CNKSR3: variants seen among roughly 807,000 people sequenced by gnomAD.
CNKSR3 encodes CNKSR family member 3, also known as connector enhancer of kinase suppressor of ras 3.
In CNKSR3, 36 loss-of-function variants were observed where a neutral mutation model predicts 67.7. That is an observed-to-expected ratio of 0.53 (90% CI 0.41 to 0.70). The LOEUF is 0.70. Ranked by LOEUF, CNKSR3 falls within the 30% of genes least tolerant of loss-of-function variation. The pLI is 0.00. For synonymous variants in CNKSR3, 281 were observed against 271.4 expected (o/e 1.04, Z -0.35); for missense variants, 630 against 695.2 (o/e 0.91, Z 1.05).
chr6:154,492,388 T>C (rs1459342067), intron 1 of CNKSR3, among the ~76,000 whole-genome samples: 1 of 152,164 alleles, frequency 6.6e-6, no homozygotes, highest in Non-Finnish European at 1.5e-5. Flanking sequence ...CCAGCAAATT[T>C]GTCTCCAGTA....
chr6:154,414,627 T>C (rs1417776025), intron 9 of CNKSR3: 3 of 650,662 alleles, frequency 4.6e-6, no homozygotes, highest in Admixed American at 2.1e-5. Flanking sequence ...TGAATGACGA[T>C]GTATAGTGGC....
intron 1 of CNKSR3, among the ~76,000 whole-genome samples, chr6:154,453,627 A>AC (rs958356219): frequency 3.9e-5 from 6 of 152,038 alleles, no homozygotes; most frequent in African/African-American, 1.4e-4. Flanking sequence ...AAATAGTGTC[A>AC]CCCCCCAGAG....
Position 154,399,402 on chromosome 6 carries a change from A to G in CNKSR3, c.*6952T>C, listed in dbSNP as rs1368073007. ...GCGAAGAAAGGGCCTTAAAAACATT[A>G]TCTCATTTAATCACCATAAGCCTTC... On this transcript the variant is annotated 3_prime_UTR_variant, in exon 13 of 13. Coordinates refer to ENST00000607772, the MANE Select transcript of CNKSR3 (RefSeq NM_173515.4). The G allele has an allele frequency of 2.0e-5, 3 of 152,194 alleles. No individual in the cohort carries two copies. Among genetic ancestry groups the G allele is most frequent in the African/African-American group, 7.2e-5 (3 of 41,446 alleles). 9.4% of individuals were successfully genotyped at this position (152,194 alleles called of 1,614,324 possible). A position where few individuals can be genotyped will look rare whatever the true frequency, so the allele number is the denominator to read the frequency against.
At chr6:154,472,841 G>A (rs916109314) in intron 1 of CNKSR3, among the ~76,000 whole-genome samples, 2 of 148,908 alleles carry the variant, frequency 1.3e-5, no homozygotes, top group East Asian at 3.9e-4. Context: ...ACAAAAAAAC[G>A]TACAGGGCAG....
rs770698058 is a variant in CNKSR3, at chr6:154,406,535, C to A, written c.1487G>T (p.Gly496Val). The change falls in exon 13 of 13, where the codon GGT becomes GTT. Residue 496 changes from glycine (G) to valine (V), a missense_variant. By Grantham distance (109) the Gly-to-Val change is moderately radical (BLOSUM62 -3). Around this residue, in one of 3 missense-constraint regions of CNKSR3, gnomAD observed 308 missense variants for 299.6 expected, o/e 1.03. Coordinates refer to ENST00000607772, the MANE Select transcript of CNKSR3 (RefSeq NM_173515.4). ...CCTGCTTCCTCGGATGTAGTCCGCA[C>A]CCCGGACCAGATGCCGCTCGGTCGT... The part of the protein sequence containing the change: ...RPTTERHLVR[G>V]ADYIRGSRCY... 1 of 1,614,214 alleles carries A rather than the reference C, an allele frequency of 6.2e-7. No individual in the cohort carries two copies. The highest frequency in any genetic ancestry group is 2.2e-5 in the East Asian group (1 of 44,880).
At chr6:154,449,115 A>AGGAT (rs1023467753) in intron 2 of CNKSR3, among the ~76,000 whole-genome samples, 2 of 152,234 alleles carry the variant, frequency 1.3e-5, no homozygotes, top group African/African-American at 2.4e-5. Context: ...AGGACCCAGC[A>AGGAT]GGATTTTACT....
rs1299021608 is a variant in CNKSR3, at chr6:154,403,154, G to A, written c.*3200C>T. ...ATAATAGGGGTAGGTGTTGAGTTGT[G>A]TCTGGGAGAGTTTTAACAATCACTC... On this transcript the variant is annotated 3_prime_UTR_variant, in exon 13 of 13. Transcript: ENST00000607772. 4 of 152,092 alleles carry A rather than the reference G, an allele frequency of 2.6e-5. No individual in the cohort carries two copies. The highest frequency in any genetic ancestry group is 4.8e-5 in the African/African-American group (2 of 41,414). 9.4% of individuals were successfully genotyped at this position (152,092 alleles called of 1,614,324 possible). A position where few individuals can be genotyped will look rare whatever the true frequency, so the allele number is the denominator to read the frequency against.
At chr6:154,421,563 A>G (rs1251406744) in intron 9 of CNKSR3, among the ~76,000 whole-genome samples, 2 of 152,244 alleles carry the variant, frequency 1.3e-5, no homozygotes, top group Non-Finnish European at 2.9e-5. Flanking sequence ...GAGTGTGACC[A>G]GTGAGTGTGA....
intron 11 of CNKSR3, 23 bp from the exon 12 acceptor site, chr6:154,410,455 G>A (rs1286441118): frequency 6.3e-7 from 1 of 1,576,294 alleles, no homozygotes; most frequent in Non-Finnish European, 8.7e-7. Context: ...GAGAAAGAAG[G>A]TGACAAGTTT....
At chr6:154,494,552 A>T (rs1786841387) in intron 1 of CNKSR3, among the ~76,000 whole-genome samples, 2 of 152,260 alleles carry the variant, frequency 1.3e-5, no homozygotes, top group African/African-American at 4.8e-5. Context: ...ATAATTTATA[A>T]GAAAAACAAT....
chr6:154,470,187 C>CTT (rs1562347543), intron 1 of CNKSR3, among the ~76,000 whole-genome samples: 1 of 80,864 alleles, frequency 1.2e-5, no homozygotes, highest in Non-Finnish European at 2.4e-5. Flanking sequence ...TACTTTCTTT[C>CTT]CTTTTTTTTT....
Position 154,390,667 on chromosome 6 carries a change from G to GT in CNKSR3, c.*15686dup, listed in dbSNP as rs1157940328. On this transcript the variant is annotated 3_prime_UTR_variant, in exon 13 of 13. Coordinates refer to ENST00000607772, the MANE Select transcript of CNKSR3 (RefSeq NM_173515.4). The stretch of plus-strand genomic sequence containing the variant: ...TCAGCAAGGCTGTGCATCATTTTGT[G>GT]TATTAGTTTGTTGGGGCTGCCATAA... The GT allele has an allele frequency of 6.6e-6, 1 of 152,220 alleles. No homozygotes were observed. Among genetic ancestry groups the GT allele is most frequent in the Non-Finnish European group, 1.5e-5 (1 of 68,108 alleles). 9.4% of individuals were successfully genotyped at this position (152,220 alleles called of 1,614,324 possible).
intron 1 of CNKSR3, among the ~76,000 whole-genome samples, chr6:154,498,555 C>T (rs559357855): frequency 1.6e-4 from 25 of 152,316 alleles, no homozygotes; most frequent in African/African-American, 5.8e-4. Context: ...GTCACGCCCC[C>T]ACACTGCAAC....
Position 154,402,404 on chromosome 6 carries a change from C to T in CNKSR3, c.*3950G>A, listed in dbSNP as rs567529823. On this transcript the variant is annotated 3_prime_UTR_variant, in exon 13 of 13. Coordinates refer to ENST00000607772, the MANE Select transcript of CNKSR3 (RefSeq NM_173515.4). ...TATATAAACACACAGAATTTTCAGC[C>T]CAGTTTTAATATGCTTTGGATTTTT... The T allele has an allele frequency of 6.6e-6, 1 of 152,218 alleles. No homozygotes were observed. Among genetic ancestry groups the T allele is most frequent in the African/African-American group, 2.4e-5 (1 of 41,542 alleles). The allele number at this position is 152,218 out of a possible 1,614,324, so 9.4% of individuals were successfully genotyped here. A position where few individuals can be genotyped will look rare whatever the true frequency, so the allele number is the denominator to read the frequency against.
chr6:154,481,461 A>G (rs1168033517), intron 1 of CNKSR3, among the ~76,000 whole-genome samples: 1 of 152,232 alleles, frequency 6.6e-6, no homozygotes, highest in Non-Finnish European at 1.5e-5. Context: ...GATAGCAGTC[A>G]GCTCTAACAC....
Position 154,394,292 on chromosome 6 carries a change from T to C in CNKSR3, c.*12062A>G, listed in dbSNP as rs1166720381. ...ATCTCCCAATTGTTGGGTTTCTGAC[T>C]GTTAGCCACCACACATGGCCTTATT... On this transcript the variant is annotated 3_prime_UTR_variant, in exon 13 of 13. Coordinates refer to ENST00000607772, the MANE Select transcript of CNKSR3 (RefSeq NM_173515.4). The C allele has an allele frequency of 6.6e-6, 1 of 152,258 alleles. No individual in the cohort carries two copies. 9.4% of individuals were successfully genotyped at this position (152,258 alleles called of 1,614,324 possible).
intron 4 of CNKSR3, 63 bp from the exon 5 acceptor site, chr6:154,433,570 G>T: frequency 1.6e-6 from 2 of 1,273,992 alleles, no homozygotes; most frequent in Non-Finnish European, 2.2e-6. Context: ...CAGAACTGTT[G>T]GCCTAGCTTT....
intron 1 of CNKSR3, among the ~76,000 whole-genome samples, chr6:154,452,066 C>T (rs868418419): frequency 2.6e-5 from 4 of 152,100 alleles, no homozygotes; most frequent in East Asian, 1.9e-4. Flanking sequence ...CAATCGTCTG[C>T]GGGGGAGGCA....
chr6:154,501,211 C>T (rs928581964), intron 1 of CNKSR3, among the ~76,000 whole-genome samples: 10 of 152,138 alleles, frequency 6.6e-5, no homozygotes, highest in African/African-American at 2.2e-4. Context: ...CTTGGCTTCA[C>T]AAAGGCTGAA....
Sources: gnomAD v4.1 joint callset for allele counts (sites outside exome capture counted in the v4.1 genomes callset) on GRCh38, gnomAD v4.1.1 for gene constraint, gnomAD v4.1.1 regional missense constraint, MANE v1.5 for transcripts, NCBI Gene and HGNC (gene_info 2026-07-23, HGNC 2026-07-21) for gene names.